Variants in ZMYM4 observed in about 807,000 individuals in gnomAD.
ZMYM4 encodes zinc finger MYM-type protein 4.
ZMYM4 carries 31 observed loss-of-function variants against 183.2 expected under a neutral mutation model. That is an observed-to-expected ratio of 0.17 (90% CI 0.13 to 0.23). The LOEUF is 0.23. ZMYM4 is among the 10% of genes least tolerant of loss of function. The pLI, the probability that ZMYM4 is intolerant of heterozygous loss-of-function variation, is 1.00. For synonymous variants in ZMYM4, 592 were observed against 631.2 expected (o/e 0.94, Z 0.93); for missense variants, 1,273 against 1,840.3 (o/e 0.69, Z 5.64).
intron 7 of ZMYM4, among the ~76,000 whole-genome samples, chr1:35,378,691 C>G (rs1261460745): frequency 6.6e-6 from 1 of 152,192 alleles, no homozygotes; most frequent in East Asian, 1.9e-4. Context: ...TCCTTTGAAG[C>G]TTTGAAGCCA....
Position 35,389,767 on chromosome 1 carries a change from AAAT to A in ZMYM4, c.2437-179_2437-177del, listed in dbSNP as rs1644661796. Among the ~76,000 whole-genome samples the A allele has an allele frequency of 1.5e-5, 2 of 131,480 alleles. No homozygotes were observed. Among genetic ancestry groups the A allele is most frequent in the Non-Finnish European group, 3.0e-5 (2 of 66,916 alleles). 86.3% of individuals were successfully genotyped at this position (131,480 alleles called of 152,430 possible). A position where few individuals can be genotyped will look rare whatever the true frequency, so the allele number is the denominator to read the frequency against. The stretch of plus-strand genomic sequence containing the variant: ...AAGGCTCTGTCTCAAAAAAAAAAAA[AAAT>A]ATATATATATATGTGTGTGTGTGTG... On this transcript the variant is annotated intron_variant, in intron 14 of 29. Transcript: ENST00000314607. This position sits in a 1 kb window ranked among gnomAD's most constrained non-coding sequence, Gnocchi z 4.0.
intron 1 of ZMYM4, among the ~76,000 whole-genome samples, chr1:35,289,707 A>G (rs182967328): frequency 1.4e-4 from 22 of 152,282 alleles, no homozygotes; most frequent in Middle Eastern, 3.4e-3. Context: ...TTAACCCACT[A>G]TCAACTAAGA....
chr1:35,349,503 A>G (rs1643517817), intron 2 of ZMYM4, among the ~76,000 whole-genome samples: 1 of 152,170 alleles, frequency 6.6e-6, no homozygotes, highest in Non-Finnish European at 1.5e-5. Flanking sequence ...TTTATTGAAT[A>G]GCAGATAGTC....
chr1:35,305,492 A>G (rs1168904935), intron 1 of ZMYM4, among the ~76,000 whole-genome samples: 3 of 151,428 alleles, frequency 2.0e-5, no homozygotes, highest in Admixed American at 1.3e-4. Flanking sequence ...AAGTGTTGGG[A>G]TTACAGACTT....
At chr1:35,399,654 A>T in intron 23 of ZMYM4, 78 bp downstream of exon 23, 1 of 1,465,184 alleles carries the variant, frequency 6.8e-7, no homozygotes, top group Non-Finnish European at 9.4e-7. Context: ...TGCTTTCAAA[A>T]CTCTGTAACA....
At chr1:35,384,022 C>T (rs900523115) in intron 9 of ZMYM4, among the ~76,000 whole-genome samples, 1 of 152,144 alleles carries the variant, frequency 6.6e-6, no homozygotes, top group African/African-American at 2.4e-5. Flanking sequence ...TGCTACCTTC[C>T]TTTCTTCCTT....
chr1:35,279,743 A>G lies in ZMYM4; in HGVS notation c.39+10658A>G, dbSNP rs143572653. Among the ~76,000 whole-genome samples the G allele has an allele frequency of 1.4e-3, 219 of 152,290 alleles. 2 individuals are homozygous for G. The highest frequency in any genetic ancestry group is 4.6e-3 in the African/African-American group (192 of 41,540). On this transcript the variant is annotated intron_variant, in intron 1 of 29. Coordinates refer to ENST00000314607, the MANE Select transcript of ZMYM4 (RefSeq NM_005095.3). ...TCATGGCTTCCAGATTCTCCTTTCT[A>G]TCCCACAGTAGAACATAGTTCAGCC...
chr1:35,416,301 T>G (rs183117341), intron 28 of ZMYM4, among the ~76,000 whole-genome samples: 1 of 152,340 alleles, frequency 6.6e-6, no homozygotes, highest in Admixed American at 6.5e-5. Context: ...TATTATAGGA[T>G]TAGAAATTAA....
rs770256672 is a variant in ZMYM4, at chr1:35,387,611, A to ACTT, written c.2263+8_2263+9insTTC. The ACTT allele has an allele frequency of 7.8e-5, 125 of 1,598,898 alleles. No individual in the cohort carries two copies. The highest frequency in any genetic ancestry group is 9.9e-5 in the Non-Finnish European group (116 of 1,175,760). ...AAGTCATTCTGTAGTGAAGGTAAAG[A>ACTT]CAGAAGATTATCTTACCTACTGAGC... On this transcript the variant is annotated splice_region_variant and intron_variant, in intron 13 of 29. Coordinates refer to ENST00000314607, the MANE Select transcript of ZMYM4 (RefSeq NM_005095.3).
At chr1:35,417,088 T>G (rs1320439534) in intron 28 of ZMYM4, among the ~76,000 whole-genome samples, 3 of 152,068 alleles carry the variant, frequency 2.0e-5, no homozygotes, top group Non-Finnish European at 2.9e-5. Flanking sequence ...AGAGCAGATA[T>G]AGGCTGAGTG....
intron 6 of ZMYM4, 84 bp from the exon 7 acceptor site, chr1:35,370,288 G>A (rs1644176325): frequency 1.4e-6 from 2 of 1,433,850 alleles, no homozygotes; most frequent in Non-Finnish European, 1.8e-6. Flanking sequence ...GAGAAAGAAA[G>A]AATGTCTACT....
chr1:35,369,855 T>C (rs1644166068), intron 5 of ZMYM4, among the ~76,000 whole-genome samples, 174 bp from the exon 6 acceptor site: 1 of 152,076 alleles, frequency 6.6e-6, no homozygotes, highest in Admixed American at 6.5e-5. Flanking sequence ...CATATACATA[T>C]TTTACCTATA....
intron 26 of ZMYM4, among the ~76,000 whole-genome samples, 171 bp downstream of exon 26, chr1:35,408,330 G>A (rs1639715693): frequency 6.6e-6 from 1 of 152,172 alleles, no homozygotes; most frequent in Non-Finnish European, 1.5e-5. Flanking sequence ...AAGCTTTGTG[G>A]ATCAGTCAAC....
At chr1:35,399,708 T>G in intron 23 of ZMYM4, 132 bp downstream of exon 23, 1 of 885,298 alleles carries the variant, frequency 1.1e-6, no homozygotes, top group Non-Finnish European at 1.7e-6. Context: ...AACTTTTGTT[T>G]TTTGAATTCA....
chr1:35,401,523 G>A (rs1425117997), intron 23 of ZMYM4, among the ~76,000 whole-genome samples: 1 of 151,988 alleles, frequency 6.6e-6, no homozygotes, highest in Non-Finnish European at 1.5e-5. Flanking sequence ...ATTCTTTACT[G>A]TGGACATAAT....
intron 1 of ZMYM4, among the ~76,000 whole-genome samples, chr1:35,302,154 T>A (rs1413078391): frequency 6.6e-6 from 1 of 151,514 alleles, no homozygotes; most frequent in Non-Finnish European, 1.5e-5. Flanking sequence ...CAAATTCTAG[T>A]CGGTAGCCTA....
In ZMYM4 at chr1:35,370,037, T is replaced by C. The variant is rs540523743; in HGVS notation, c.849T>C (p.Ser283=). ...KDEPDNAQEY[S]HGQQQKTQEG... is the part of the protein sequence containing the mutation. ...TTTTTTCTTCTTTAAAGGAGTATAG[T>C]CATGGCCAACAGCAAAAAACTCAAG... Residue 283 remains serine (S), a synonymous_variant, in exon 6 of 30, where the codon AGT becomes AGC. Coordinates refer to ENST00000314607, the MANE Select transcript of ZMYM4 (RefSeq NM_005095.3). The C allele has an allele frequency of 3.8e-5, 62 of 1,612,686 alleles. No individual in the cohort carries two copies. In the East Asian group the frequency reaches 1.3e-3, roughly 33 times the overall value.
intron 3 of ZMYM4, among the ~76,000 whole-genome samples, chr1:35,360,673 A>C (rs1225100437): frequency 1.3e-5 from 2 of 152,134 alleles, no homozygotes; most frequent in African/African-American, 4.8e-5. Flanking sequence ...CGTAAGATTT[A>C]ATTTACAGTT....
intron 9 of ZMYM4, 33 bp downstream of exon 9, chr1:35,381,791 T>C: frequency 6.2e-7 from 1 of 1,605,446 alleles, no homozygotes; most frequent in Non-Finnish European, 8.5e-7. Context: ...GATGTCTTTG[T>C]TCAGTTCAGG....
Sources: gnomAD v4.1 joint callset for allele counts (sites outside exome capture counted in the v4.1 genomes callset) on GRCh38, gnomAD v4.1.1 for gene constraint, Gnocchi (gnomAD v3.1) non-coding constraint, MANE v1.5 for transcripts, NCBI Gene and HGNC (gene_info 2026-07-23, HGNC 2026-07-21) for gene names.